SIK2: variants seen among roughly 807,000 people sequenced by gnomAD.
SIK2 encodes the protein serine/threonine-protein kinase SIK2.
Under a neutral mutation model 103.2 loss-of-function variants are expected in SIK2, and 29 were observed. The observed-to-expected ratio is 0.28, with a 90% CI of 0.21 to 0.38. SIK2 has a LOEUF of 0.38. Ranked by LOEUF, SIK2 falls within the 10% of genes least tolerant of loss-of-function variation. The pLI is 1.00. For synonymous variants in SIK2, 412 were observed against 446.1 expected (o/e 0.92, Z 0.96); for missense variants, 879 against 1,171.0 (o/e 0.75, Z 3.64).
chr11:111,634,072 C>T (rs751367118), intron 3 of SIK2, among the ~76,000 whole-genome samples: 1 of 152,138 alleles, frequency 6.6e-6, no homozygotes. Context: ...ACAATTAAAC[C>T]GGCAGTTAGC....
chr11:111,677,586 A>ATTTTTTTTTT (rs11384906), intron 3 of SIK2, among the ~76,000 whole-genome samples: 10 of 110,894 alleles, frequency 9.0e-5, no homozygotes, highest in South Asian at 3.0e-4. Context: ...CCCAGCTAAA[A>ATTTTTTTTTT]TTTTTTTTTT....
At chr11:111,672,111 C>T in intron 3 of SIK2, 1 of 470,078 alleles carries the variant, frequency 2.1e-6, no homozygotes, top group South Asian at 1.7e-5. Flanking sequence ...TCTGCTCCTT[C>T]TCCTGGTTAC....
Position 111,720,749 on chromosome 11 carries a change from C to T in SIK2, c.1767C>T (p.Thr589=). Residue 589 remains threonine (T), a synonymous_variant, in exon 11 of 15, where the codon ACC becomes ACT. Transcript: ENST00000304987. ...SFREGRRASD[T]SLTQGIVAFR... ...GAGAGGGCCGCAGAGCATCAGATAC[C>T]TCCCTCACCCAGGGTGAGCACTTCC... 1 of 1,592,552 alleles carries T rather than the reference C, an allele frequency of 6.3e-7. No homozygotes were observed. Among genetic ancestry groups the T allele is most frequent in the Non-Finnish European group, 8.5e-7 (1 of 1,169,856 alleles).
chr11:111,668,179 A>AGTGTGTGT (rs112931431), intron 3 of SIK2, among the ~76,000 whole-genome samples: 83 of 151,140 alleles, frequency 5.5e-4, no homozygotes, highest in African/African-American at 1.7e-3. Context: ...TAAAGTAAGG[A>AGTGTGTGT]GTGTGTGTGT....
In SIK2 at chr11:111,703,311, G is replaced by A. The variant is rs367832665; in HGVS notation, c.836G>A (p.Arg279Lys). 4.0e-5 allele frequency: 65 copies of A among 1,614,070 alleles called. No individual in the cohort carries two copies. Among genetic ancestry groups the A allele is most frequent in the Non-Finnish European group, 5.0e-5 (59 of 1,180,030 alleles). Residue 279 changes from arginine (R) to lysine (K), a missense_variant, in exon 7 of 15, where the codon AGA becomes AAA. Physicochemically the swap from Arg to Lys is conservative, Grantham distance 26. Coordinates refer to ENST00000304987, the MANE Select transcript of SIK2 (RefSeq NM_015191.3). ...ATGCTCATAGAAGTTCCTGTCCAGA[G>A]ACCTGTTCTCTATCCACAAGAGCAA... is the stretch of plus-strand genomic sequence containing the variant. ...KWMLIEVPVQ[R>K]PVLYPQEQEN...
At position 111,688,827 on chromosome 11, in the gene SIK2, T is replaced by C. The variant is rs1483334127; in HGVS notation, c.478+665T>C. ...AGTACAATATGATATGTGGAAATCA[T>C]TTCACAACATATCCATATATAAAAA... On this transcript the variant is annotated intron_variant, in intron 4 of 14. Transcript: ENST00000304987. The surrounding 1 kb of genome is among the most constrained non-coding windows in gnomAD (Gnocchi z 4.2). Among the ~76,000 whole-genome samples, 1 of 152,226 alleles carries C rather than the reference T, an allele frequency of 6.6e-6. No homozygotes were observed. Among genetic ancestry groups the C allele is most frequent in the African/African-American group, 2.4e-5 (1 of 41,460 alleles).
chr11:111,649,899 G>C (rs1047416548), intron 3 of SIK2, among the ~76,000 whole-genome samples: 2 of 152,074 alleles, frequency 1.3e-5, no homozygotes, highest in Non-Finnish European at 2.9e-5. Flanking sequence ...TGTGCTAGGA[G>C]CTCTCATAAG....
intron 8 of SIK2, among the ~76,000 whole-genome samples, chr11:111,708,917 T>C (rs1448161434): frequency 6.6e-6 from 1 of 152,140 alleles, no homozygotes; most frequent in Non-Finnish European, 1.5e-5. Context: ...GCCTAACCAC[T>C]TGTTTTTAAC....
At position 111,633,583 on chromosome 11, in the gene SIK2, T is replaced by A. The variant is rs74580544; in HGVS notation, c.316+13181T>A. Among the ~76,000 whole-genome samples the A allele has an allele frequency of 3.7e-3, 557 of 152,276 alleles. 12 individuals carry two copies. The East Asian group carries it at 0.076, about 21-fold the overall frequency. On this transcript the variant is annotated intron_variant, in intron 3 of 14. Coordinates refer to ENST00000304987, the MANE Select transcript of SIK2 (RefSeq NM_015191.3). The stretch of plus-strand genomic sequence containing the variant: ...CACGAGATAAACATGAACGAGGAAA[T>A]ACTAACTGAATCAAGGGAGAAAATT...
chr11:111,671,404 G>A, intron 3 of SIK2: 1 of 246,158 alleles, frequency 4.1e-6, no homozygotes, highest in Admixed American at 4.7e-5. Context: ...GCATCTGATG[G>A]CAGCCTCCAG....
Position 111,653,554 on chromosome 11 carries a change from T to A in SIK2, c.316+33152T>A, listed in dbSNP as rs572152939. 2.0e-5 allele frequency among the ~76,000 whole-genome samples: 3 copies of A among 152,314 alleles called. No individual in the cohort carries two copies. The South Asian group carries it at 6.2e-4, about 32-fold the overall frequency. Reference sequence around the variant, plus strand: ...GAAAGAGGACTACTTCAGAGAGAGGTTCCTAAAATTGAGGTGTAATGAAGG... The same window carrying A: ...GAAAGAGGACTACTTCAGAGAGAGGATCCTAAAATTGAGGTGTAATGAAGG... On this transcript the variant is annotated intron_variant, in intron 3 of 14. Coordinates refer to ENST00000304987, the MANE Select transcript of SIK2 (RefSeq NM_015191.3).
intron 3 of SIK2, among the ~76,000 whole-genome samples, chr11:111,670,228 A>G (rs1384827249): frequency 1.3e-5 from 2 of 151,962 alleles, no homozygotes; most frequent in Non-Finnish European, 2.9e-5. Context: ...CCTTTAATCT[A>G]TGTGTTATGG....
intron 9 of SIK2, among the ~76,000 whole-genome samples, chr11:111,715,568 G>A (rs923717585): frequency 1.3e-5 from 2 of 152,050 alleles, no homozygotes; most frequent in African/African-American, 4.8e-5. Flanking sequence ...GGAAACTTTG[G>A]TTTGCAGTTT....
At position 111,727,265 on chromosome 11, in the gene SIK2, G is replaced by A. The variant is rs1944003568; in HGVS notation, c.*3136G>A. 6.7e-6 allele frequency: 4 copies of A among 594,198 alleles called. No homozygotes were observed. The highest frequency in any genetic ancestry group is 9.0e-6 in the Non-Finnish European group (3 of 333,274). The allele number at this position is 594,198 out of a possible 1,614,324, so 36.8% of individuals were successfully genotyped here. A position where few individuals can be genotyped will look rare whatever the true frequency, so the allele number is the denominator to read the frequency against. Reference sequence around the variant, plus strand: ...CATCAGGGCCCACCAGGGGAGTGGGGATGGGGCTCAGGGGCTGTTCATGCC... The same window carrying A: ...CATCAGGGCCCACCAGGGGAGTGGGAATGGGGCTCAGGGGCTGTTCATGCC... On this transcript the variant is annotated 3_prime_UTR_variant, in exon 15 of 15. Transcript: ENST00000304987.
Position 111,705,160 on chromosome 11 carries a change from A to G in SIK2, c.1101+21A>G, listed in dbSNP as rs765407622. On this transcript the variant is annotated intron_variant, in intron 8 of 14. Transcript: ENST00000304987. This position sits in a 1 kb window ranked among gnomAD's most constrained non-coding sequence, Gnocchi z 4.3. The stretch of plus-strand genomic sequence containing the variant: ...CCAAGGTAATGCCCCCTTAGCTGAG[A>G]GTCTTATCTGTGCATGTGCCTGTTC... The G allele has an allele frequency of 1.3e-6, 2 of 1,540,514 alleles. No individual in the cohort carries two copies. Among genetic ancestry groups the G allele is most frequent in the Non-Finnish European group, 1.7e-6 (2 of 1,154,930 alleles).
In SIK2 at chr11:111,720,553, G is replaced by A. The variant is rs1943769932; in HGVS notation, c.1571G>A (p.Arg524Lys). 6.2e-7 allele frequency: 1 copy of A among 1,613,952 alleles called. No individual in the cohort carries two copies. Among genetic ancestry groups the A allele is most frequent in the African/African-American group, 1.3e-5 (1 of 74,898 alleles). Residue 524 changes from arginine (R) to lysine (K), a missense_variant, in exon 11 of 15, where the codon AGG (arginine) becomes AAG (lysine). Arg to Lys is a conservative substitution (Grantham distance 26). Around this residue, in one of 7 missense-constraint regions of SIK2, gnomAD observed 222 missense variants for 258.0 expected, o/e 0.86. Coordinates refer to ENST00000304987, the MANE Select transcript of SIK2 (RefSeq NM_015191.3). ...DSEYDMGSVQ[R>K]DLNFLEDNPS... is the part of the protein sequence containing the mutation. Reference sequence around the variant, plus strand: ...GAGTATGATATGGGGTCTGTTCAGAGGGACCTGAACTTTCTGGAAGACAAC... The same window carrying A: ...GAGTATGATATGGGGTCTGTTCAGAAGGACCTGAACTTTCTGGAAGACAAC...
At chr11:111,642,340 A>G (rs1303228622) in intron 3 of SIK2, among the ~76,000 whole-genome samples, 2 of 152,136 alleles carry the variant, frequency 1.3e-5, no homozygotes, top group Non-Finnish European at 2.9e-5. Context: ...GTCCCACTTG[A>G]CTACAAAGTT....
intron 4 of SIK2, among the ~76,000 whole-genome samples, chr11:111,698,944 T>C (rs529822236): frequency 1.6e-4 from 25 of 152,332 alleles, no homozygotes; most frequent in African/African-American, 4.3e-4. Flanking sequence ...CCTTGACTCA[T>C]GAGAACATCT....
intron 9 of SIK2, among the ~76,000 whole-genome samples, chr11:111,714,017 G>C (rs1253492535): frequency 6.6e-6 from 1 of 152,140 alleles, no homozygotes; most frequent in East Asian, 1.9e-4. Context: ...GTATAAATCA[G>C]AACGAGGCAG....
Sources: allele counts gnomAD v4.1 joint callset (sites outside exome capture counted in the v4.1 genomes callset), GRCh38; gene constraint gnomAD v4.1.1; regional missense constraint gnomAD v4.1.1; non-coding constraint Gnocchi (gnomAD v3.1); transcripts MANE v1.5; gene names NCBI Gene and HGNC (gene_info 2026-07-23, HGNC 2026-07-21).